The following JADE3 variants were observed in gnomAD, a reference collection of about 807,000 sequenced individuals.
JADE3 encodes jade family PHD finger 3.
Under a neutral mutation model 50.1 loss-of-function variants are expected in JADE3, and 2 were observed. The ratio of observed to expected loss-of-function variants is 0.04; its 90% CI spans 0.02 to 0.13. JADE3 has a LOEUF of 0.13. Among genes scored for constraint, JADE3 ranks in the 10% least tolerant of loss-of-function variants. The probability of loss-of-function intolerance (pLI) is 1.00; values close to 1 mark genes in which losing one functional copy is unlikely to be tolerated. For missense variants in JADE3, 475 were observed against 634.4 expected (o/e 0.75, Z 2.70); for synonymous variants, 218 against 232.9 (o/e 0.94, Z 0.58).
chrX:46,928,377 C>T (rs1303686291), intron 1 of JADE3, among the ~76,000 whole-genome samples: 3 of 111,883 alleles, frequency 2.7e-5, no homozygotes, highest in African/African-American at 9.8e-5. Context: ...GGCCCTAATG[C>T]CATACTTCCT....
At chrX:46,999,697 TAGAA>T (rs1176768301) in intron 4 of JADE3, among the ~76,000 whole-genome samples, 2 of 109,982 alleles carry the variant, frequency 1.8e-5, no homozygotes, top group Non-Finnish European at 3.8e-5. Context: ...GCTTTGGTTT[TAGAA>T]AGAGGAGAGA....
Position 47,024,742 on chromosome X carries a change from A to C in JADE3, c.303A>C (p.Val101=). The part of the protein sequence containing the change: ...QPSLRIIAEK[V]KDVLFIRPRK... ...TTTCTAGGATTATAGCTGAGAAGGT[A>C]AAGGACGTTCTGTTTATCCGACCCC... The change falls in exon 5 of 11, where the codon GTA becomes GTC. Residue 101 remains valine (V), a synonymous_variant. Transcript: ENST00000614628. 2 of 1,186,675 alleles carry C rather than the reference A, an allele frequency of 1.7e-6. No homozygotes were observed. The highest frequency in any genetic ancestry group is 2.3e-6 in the Non-Finnish European group (2 of 877,022).
intron 1 of JADE3, among the ~76,000 whole-genome samples, chrX:46,963,498 C>T (rs1042929732): frequency 7.1e-5 from 8 of 112,431 alleles, no homozygotes; most frequent in African/African-American, 9.7e-5. Flanking sequence ...TGCTGTATAA[C>T]GACCACTTCA....
In JADE3 at chrX:47,060,099, T is replaced by A. The variant is rs1244892758; in HGVS notation, c.*1022T>A. 1 of 111,353 alleles carries A rather than the reference T, an allele frequency of 9.0e-6. No homozygotes were observed. The highest frequency in any genetic ancestry group is 3.3e-5 in the African/African-American group (1 of 30,629). The allele number at this position is 111,353 out of a possible 1,213,427, so 9.2% of individuals were successfully genotyped here. A position where few individuals can be genotyped will look rare whatever the true frequency, so the allele number is the denominator to read the frequency against. On this transcript the variant is annotated 3_prime_UTR_variant, in exon 11 of 11. Transcript: ENST00000614628. ...CATGTGTTTAACACATGGATATAATTTAGCTTTGTGTCACCTTTGAATCTG... is the reference window on the plus strand; with the variant it reads ...CATGTGTTTAACACATGGATATAATATAGCTTTGTGTCACCTTTGAATCTG...
At chrX:46,961,874 G>A (rs994509790) in intron 1 of JADE3, among the ~76,000 whole-genome samples, 20 of 112,170 alleles carry the variant, frequency 1.8e-4, no homozygotes, top group Admixed American at 2.8e-4. Flanking sequence ...AAAAGACTGC[G>A]TTTATACTTG....
intron 1 of JADE3, among the ~76,000 whole-genome samples, chrX:46,934,276 C>G (rs1926560989): frequency 9.1e-6 from 1 of 109,843 alleles, no homozygotes; most frequent in South Asian, 4.0e-4. Flanking sequence ...GGTGGGACTA[C>G]AGGCGCACAC....
At chrX:46,957,260 T>C (rs868925856) in intron 1 of JADE3, among the ~76,000 whole-genome samples, 1 of 61,727 alleles carries the variant, frequency 1.6e-5, no homozygotes, top group South Asian at 6.6e-4. Flanking sequence ...TAGATAGATA[T>C]AAACGATATA....
In JADE3 at chrX:47,058,573, A is replaced by T; in HGVS notation, c.1968A>T (p.Lys656Asn). The T allele has an allele frequency of 8.3e-7, 1 of 1,210,524 alleles. No homozygotes were observed. Among genetic ancestry groups the T allele is most frequent in the Non-Finnish European group, 1.1e-6 (1 of 895,049 alleles). The change falls in exon 11 of 11, where the codon AAA becomes AAT. Residue 656 changes from lysine to asparagine, a missense_variant. This residue lies in a region of JADE3 where 243 missense variants were observed against 238.2 expected (regional missense o/e 1.02). Coordinates refer to ENST00000614628, the MANE Select transcript of JADE3 (RefSeq NM_014735.5). ...LHGQSSIGNG[K>N]SQPNSKFAKS... is the part of the protein sequence containing the mutation. ...GACAGTCTTCCATTGGGAATGGGAA[A>T]AGTCAGCCTAACTCCAAGTTTGCCA...
chrX:46,933,438 G>T lies in JADE3; in HGVS notation c.-12+20719G>T, dbSNP rs151312367. 6.5e-3 allele frequency among the ~76,000 whole-genome samples: 733 copies of T among 112,381 alleles called. 4 individuals are homozygous for T. Among genetic ancestry groups the T allele is most frequent in the African/African-American group, 0.023 (702 of 30,965 alleles). On this transcript the variant is annotated intron_variant, in intron 1 of 10. Transcript: ENST00000614628. ...AACACACAAATTTGAAATATGCAGA[G>T]AACCAGGAAGAACAGGTTAAAACAT...
At chrX:46,971,185 G>T (rs1410415065) in intron 1 of JADE3, among the ~76,000 whole-genome samples, 1 of 99,316 alleles carries the variant, frequency 1.0e-5, no homozygotes, top group African/African-American at 3.7e-5. Context: ...GCGCGATCTC[G>T]GCTCACTGCA....
At chrX:46,983,109 G>A (rs1247005102) in intron 1 of JADE3, among the ~76,000 whole-genome samples, 9 of 111,952 alleles carry the variant, frequency 8.0e-5, no homozygotes, top group Admixed American at 5.7e-4. Flanking sequence ...TCTTCTGACC[G>A]CAAGAGGCTC....
At chrX:47,012,842 A>T (rs1271837482) in intron 4 of JADE3, among the ~76,000 whole-genome samples, 1 of 109,510 alleles carries the variant, frequency 9.1e-6, no homozygotes, top group Non-Finnish European at 1.9e-5. Context: ...TTATGTGTGG[A>T]TATCTAGTTG....
intron 3 of JADE3, among the ~76,000 whole-genome samples, chrX:46,997,205 A>G (rs1371933394): frequency 8.9e-6 from 1 of 111,767 alleles, no homozygotes; most frequent in Non-Finnish European, 1.9e-5. Context: ...CCACTGCCTC[A>G]TTAAAGATAC....
intron 1 of JADE3, among the ~76,000 whole-genome samples, chrX:46,926,999 A>G (rs1470904992): frequency 8.9e-6 from 1 of 112,497 alleles, no homozygotes; most frequent in Non-Finnish European, 1.9e-5. Context: ...ATAAGTTTGC[A>G]TTTCTCTAGG....
chrX:47,033,737 C>A lies in JADE3; in HGVS notation c.804C>A (p.Thr268=). ...AGAAAGGTGGAGCCCTGAAGACCAC[C>A]AAGACAGGGACTAAATGGGCTCATG... ...CPKKGGALKT[T]KTGTKWAHVS... is the part of the protein sequence containing the mutation. Residue 268 remains threonine (T), a synonymous_variant, in exon 7 of 11, where the codon ACC becomes ACA. Coordinates refer to ENST00000614628, the MANE Select transcript of JADE3 (RefSeq NM_014735.5). 1 of 1,195,388 alleles carries A rather than the reference C, an allele frequency of 8.4e-7. No homozygotes were observed. The highest frequency in any genetic ancestry group is 1.1e-6 in the Non-Finnish European group (1 of 886,891).
intron 10 of JADE3, among the ~76,000 whole-genome samples, chrX:47,056,936 G>A (rs1334268874): frequency 1.8e-5 from 2 of 112,114 alleles, no homozygotes; most frequent in Non-Finnish European, 3.8e-5. Flanking sequence ...GGGAGGGTCA[G>A]CCATGGAGCA....
At chrX:46,986,684 C>T (rs782730238) in intron 3 of JADE3, among the ~76,000 whole-genome samples, 3 of 112,042 alleles carry the variant, frequency 2.7e-5, no homozygotes, top group African/African-American at 9.7e-5. Flanking sequence ...TGGGTCCTTA[C>T]AGCCTTTGGA....
chrX:46,989,154 T>A (rs1037566555), intron 3 of JADE3, among the ~76,000 whole-genome samples: 2 of 112,278 alleles, frequency 1.8e-5, no homozygotes, highest in Non-Finnish European at 3.8e-5. Context: ...GGCTGCTTTT[T>A]TCAAAGCGTC....
At chrX:47,053,530 A>T (rs1203559255) in intron 8 of JADE3, among the ~76,000 whole-genome samples, 2 of 112,066 alleles carry the variant, frequency 1.8e-5, no homozygotes, top group Non-Finnish European at 3.8e-5. Context: ...AAGTGCTGGG[A>T]TCACAGGCGT....
Sources: gnomAD v4.1 joint callset for allele counts (sites outside exome capture counted in the v4.1 genomes callset) on GRCh38, gnomAD v4.1.1 for gene constraint, gnomAD v4.1.1 regional missense constraint, MANE v1.5 for transcripts, NCBI Gene and HGNC (gene_info 2026-07-23, HGNC 2026-07-21) for gene names.